Variants in PDE10A observed in about 807,000 individuals in gnomAD.
PDE10A encodes the protein cAMP and cAMP-inhibited cGMP 3',5'-cyclic phosphodiesterase 10A.
A neutral mutation model predicts 97.7 loss-of-function variants in PDE10A; 39 were observed. The ratio of observed to expected loss-of-function variants is 0.40; its 90% CI spans 0.31 to 0.52. The LOEUF (loss-of-function observed/expected upper bound fraction) is 0.52. Ranked by LOEUF, PDE10A falls within the 20% of genes least tolerant of loss-of-function variation. PDE10A has a pLI of 0.56. For synonymous variants in PDE10A, 371 were observed against 376.8 expected, an observed-to-expected ratio of 0.98 and a Z score of 0.18; for missense variants, 731 against 1,047.8, an observed-to-expected ratio of 0.70 and a Z score of 4.17.
chr6:165,360,690 G>A (rs944327560), intron 18 of PDE10A, among the ~76,000 whole-genome samples: 4 of 152,182 alleles, frequency 2.6e-5, no homozygotes, highest in African/African-American at 9.7e-5. Flanking sequence ...ACCGAGTGCT[G>A]GAAACGGGCC....
At chr6:165,660,162 G>A (rs1339285458) in intron 1 of PDE10A, 3 of 152,408 alleles carry the variant, frequency 2.0e-5, no homozygotes, top group Non-Finnish European at 4.4e-5. Flanking sequence ...AGGCCTATAG[G>A]CTGATGCCAA....
chr6:165,923,037 C>A (rs1481656311), intron 1 of PDE10A, among the ~76,000 whole-genome samples: 1 of 152,132 alleles, frequency 6.6e-6, no homozygotes, highest in East Asian at 1.9e-4. Context: ...AACACCCTAG[C>A]CCACTGTAAT....
chr6:165,656,686 G>A (rs142125279), intron 1 of PDE10A, among the ~76,000 whole-genome samples: 2 of 152,268 alleles, frequency 1.3e-5, no homozygotes, highest in Admixed American at 6.5e-5. Flanking sequence ...AACCTCAGAA[G>A]ATCCCTTTCC....
intron 1 of PDE10A, among the ~76,000 whole-genome samples, chr6:165,782,203 T>A (rs1778359064): frequency 1.3e-5 from 2 of 152,226 alleles, no homozygotes; most frequent in Non-Finnish European, 2.9e-5. Flanking sequence ...AAGGACGAAG[T>A]CATGTGAACT....
In PDE10A at chr6:165,691,581, GCA is replaced by G. The variant is rs1222849948; in HGVS notation, c.-614-148015_-614-148014del. ...TGTACACGTGCCCATGCGCACGCAT[GCA>G]CGCGCGCGCACACACACACACACAC... is the stretch of plus-strand genomic sequence containing the variant. On this transcript the variant is annotated intron_variant, in intron 1 of 19. Coordinates refer to the PDE10A transcript ENST00000366882. 6.2e-5 allele frequency among the ~76,000 whole-genome samples: 5 copies of G among 80,306 alleles called. No homozygotes were observed. In the South Asian group the frequency reaches 2.5e-3, roughly 41 times the overall value. 52.7% of individuals were successfully genotyped at this position (80,306 alleles called of 152,430 possible). A position where few individuals can be genotyped will look rare whatever the true frequency, so the allele number is the denominator to read the frequency against.
At chr6:165,431,745 C>T (rs760975670) in intron 7 of PDE10A, among the ~76,000 whole-genome samples, 1 of 151,372 alleles carries the variant, frequency 6.6e-6, no homozygotes, top group African/African-American at 2.4e-5. Flanking sequence ...CACAAAGCAC[C>T]AAATATTTAC....
intron 1 of PDE10A, among the ~76,000 whole-genome samples, chr6:165,785,991 A>T (rs2128462627): frequency 6.6e-6 from 1 of 152,374 alleles, no homozygotes; most frequent in East Asian, 1.9e-4. Context: ...AGTAACTCAA[A>T]TTAGTGGTCA....
upstream of PDE10A, chr6:165,987,962 C>T (rs1785275526): frequency 7.8e-6 from 3 of 384,774 alleles, no homozygotes; most frequent in Admixed American, 3.0e-5. Flanking sequence ...AACATGAGTG[C>T]TTGTGTGTGC....
rs762731988 is a variant in PDE10A, at chr6:165,543,447, T to C, written c.987A>G (p.Lys329=). Residue 329 remains lysine (K), a synonymous_variant, in exon 2 of 22, where the codon AAA becomes AAG. Transcript: ENST00000539869. ...VEKWLKRKNN[K]SEDESAPKEV... is the part of the protein sequence containing the mutation. Reference sequence around the variant, plus strand: ...ATCCACAAGAGACCTTACCTTCTGATTTGTTGTTCTTCCTCTTCAGCCATT... The same window carrying C: ...ATCCACAAGAGACCTTACCTTCTGACTTGTTGTTCTTCCTCTTCAGCCATT... 6.2e-7 allele frequency: 1 copy of C among 1,612,266 alleles called. No individual in the cohort carries two copies. Among genetic ancestry groups the C allele is most frequent in the South Asian group, 1.1e-5 (1 of 90,656 alleles).
At position 165,600,572 on chromosome 6, in the gene PDE10A, C is replaced by T. The variant is rs370668074; in HGVS notation, c.866-57004G>A. ...CAGGTTCACTGTTGCACAGCCAAGC[C>T]TCTTCCTCTCTCCCTTTAACCCCAG... On this transcript the variant is annotated intron_variant, in intron 1 of 21. Coordinates refer to ENST00000539869, the MANE Select transcript of PDE10A (RefSeq NM_001385079.1). 1.6e-4 allele frequency among the ~76,000 whole-genome samples: 25 copies of T among 152,340 alleles called. No homozygotes were observed. In the East Asian group the frequency reaches 2.3e-3, roughly 14 times the overall value.
intron 1 of PDE10A, among the ~76,000 whole-genome samples, chr6:165,806,310 T>C (rs1017606758): frequency 6.6e-6 from 1 of 152,156 alleles, no homozygotes; most frequent in Non-Finnish European, 1.5e-5. Context: ...TGTCTATTCA[T>C]GTGGCACGTT....
chr6:165,963,504 A>G (rs1037558810), intron 1 of PDE10A, among the ~76,000 whole-genome samples: 1 of 152,222 alleles, frequency 6.6e-6, no homozygotes, highest in Non-Finnish European at 1.5e-5. Context: ...GTTGTTTAAC[A>G]TCTTTGGATC....
chr6:165,367,619 C>T (rs73243923), intron 18 of PDE10A, among the ~76,000 whole-genome samples: 3,974 of 150,418 alleles, frequency 0.026, 186 homozygotes, highest in African/African-American at 0.093. Flanking sequence ...TCACAGTATA[C>T]TGAGGAGAAC....
chr6:165,469,205 C>T (rs983709776), intron 3 of PDE10A, among the ~76,000 whole-genome samples: 3 of 152,112 alleles, frequency 2.0e-5, no homozygotes, highest in Admixed American at 6.6e-5. Context: ...AAACGGTTCG[C>T]GTCTGTAATC....
chr6:165,902,813 A>G (rs1399384359), intron 1 of PDE10A, among the ~76,000 whole-genome samples: 1 of 152,228 alleles, frequency 6.6e-6, no homozygotes, highest in Non-Finnish European at 1.5e-5. Context: ...CACAGTCTGG[A>G]CACAGGTAAC....
intron 1 of PDE10A, among the ~76,000 whole-genome samples, chr6:165,731,566 G>C (rs7772970): frequency 0.019 from 2,877 of 152,322 alleles, 96 homozygotes; most frequent in African/African-American, 0.066. Context: ...TTCCAAGCTT[G>C]ATTGATCCAG....
Position 165,655,930 on chromosome 6 carries a change from G to A in PDE10A, c.865+6017C>T, listed in dbSNP as rs570162756. Among the ~76,000 whole-genome samples the A allele has an allele frequency of 3.9e-5, 6 of 152,084 alleles. No homozygotes were observed. Among genetic ancestry groups the A allele is most frequent in the South Asian group, 2.1e-4 (1 of 4,816 alleles). On this transcript the variant is annotated intron_variant, in intron 1 of 21. Coordinates refer to ENST00000539869, the MANE Select transcript of PDE10A (RefSeq NM_001385079.1). The surrounding 1 kb of genome is among the most constrained non-coding windows in gnomAD (Gnocchi z 4.5). ...CTTTTCCCCAGATAACTGCATGGCCGATGACACCTTGTCACTCAGAGGCCA... is the reference window on the plus strand; with the variant it reads ...CTTTTCCCCAGATAACTGCATGGCCAATGACACCTTGTCACTCAGAGGCCA...
intron 3 of PDE10A, among the ~76,000 whole-genome samples, chr6:165,474,596 T>C (rs1779190231): frequency 6.6e-6 from 1 of 152,120 alleles, no homozygotes; most frequent in African/African-American, 2.4e-5. Context: ...ACCATTTACA[T>C]GGGTACATTG....
intron 1 of PDE10A, among the ~76,000 whole-genome samples, chr6:165,546,503 T>C (rs1327687503): frequency 6.6e-6 from 1 of 152,060 alleles, no homozygotes. Flanking sequence ...ACACATGTAA[T>C]ATAAAACGTA....
Sources: gnomAD v4.1 joint callset for allele counts (sites outside exome capture counted in the v4.1 genomes callset) on GRCh38, gnomAD v4.1.1 for gene constraint, Gnocchi (gnomAD v3.1) non-coding constraint, MANE v1.5 for transcripts, NCBI Gene and HGNC (gene_info 2026-07-23, HGNC 2026-07-21) for gene names.